Variants in CHRM2 observed in about 807,000 individuals in gnomAD.
CHRM2 encodes muscarinic acetylcholine receptor M2.
In CHRM2, 8 loss-of-function variants were observed where a neutral mutation model predicts 25.0. The observed-to-expected ratio is 0.32, with a 90% CI of 0.19 to 0.58. The LOEUF (loss-of-function observed/expected upper bound fraction) is 0.58. Among genes scored for constraint, CHRM2 ranks in the 20% least tolerant of loss-of-function variants. The pLI is 0.88. For missense variants in CHRM2, 440 were observed against 567.1 expected (o/e 0.78, Z 2.28); for synonymous variants, 202 against 205.7 (o/e 0.98, Z 0.15).
At chr7:136,980,390 C>A (rs1802404758) in intron 2 of CHRM2, among the ~76,000 whole-genome samples, 1 of 152,194 alleles carries the variant, frequency 6.6e-6, no homozygotes, top group African/African-American at 2.4e-5. Flanking sequence ...CATCTGCAAA[C>A]AAATATAATT....
At chr7:136,938,817 C>T (rs552048682) in intron 2 of CHRM2, among the ~76,000 whole-genome samples, 13 of 151,716 alleles carry the variant, frequency 8.6e-5, no homozygotes, top group African/African-American at 2.4e-5. Context: ...TCAGCCCACC[C>T]GCAGGGGAGT....
At chr7:136,995,293 C>G (rs1029405501) in intron 3 of CHRM2, among the ~76,000 whole-genome samples, 2 of 151,930 alleles carry the variant, frequency 1.3e-5, no homozygotes, top group African/African-American at 4.8e-5. Flanking sequence ...AAGATATACA[C>G]AAATATACAT....
chr7:136,934,937 T>C (rs1358810826), intron 2 of CHRM2, among the ~76,000 whole-genome samples: 1 of 151,834 alleles, frequency 6.6e-6, no homozygotes, highest in Non-Finnish European at 1.5e-5. Flanking sequence ...AAATAGTAAA[T>C]ATGCAAGACA....
chr7:136,978,040 G>GGT (rs1554429411), intron 2 of CHRM2, among the ~76,000 whole-genome samples: 1 of 151,562 alleles, frequency 6.6e-6, no homozygotes, highest in South Asian at 2.1e-4. Context: ...CTTAATATAA[G>GGT]AAATAGACAC....
chr7:136,974,584 T>C (rs184422873), intron 2 of CHRM2, among the ~76,000 whole-genome samples: 4 of 152,166 alleles, frequency 2.6e-5, no homozygotes, highest in African/African-American at 9.6e-5. Context: ...TGCATATACC[T>C]CATTACAATA....
chr7:136,969,815 G>A (rs1801646380), intron 2 of CHRM2, among the ~76,000 whole-genome samples: 1 of 152,070 alleles, frequency 6.6e-6, no homozygotes, highest in African/African-American at 2.4e-5. Flanking sequence ...TTTCCCACTG[G>A]CTATGGGATG....
intron 2 of CHRM2, among the ~76,000 whole-genome samples, chr7:136,936,123 A>G (rs568890910): frequency 0.013 from 1,989 of 152,208 alleles, 36 homozygotes; most frequent in African/African-American, 0.046. Context: ...TGGGTAGCGG[A>G]GATATTTTTC....
At chr7:136,965,681 T>G (rs1395325998) in intron 2 of CHRM2, among the ~76,000 whole-genome samples, 1 of 152,024 alleles carries the variant, frequency 6.6e-6, no homozygotes, top group East Asian at 1.9e-4. Flanking sequence ...GAAAACAGCT[T>G]CATCTGAGTT....
intron 2 of CHRM2, among the ~76,000 whole-genome samples, chr7:136,886,904 C>T (rs926472998): frequency 6.6e-6 from 1 of 152,036 alleles, no homozygotes; most frequent in African/African-American, 2.4e-5. Context: ...AATTCTATAG[C>T]CCATCATGCC....
chr7:136,979,266 GATA>G (rs1563103904), intron 2 of CHRM2, among the ~76,000 whole-genome samples: 23 of 152,176 alleles, frequency 1.5e-4, no homozygotes, highest in Admixed American at 1.5e-3. Flanking sequence ...AGTGTCTGTT[GATA>G]TCCTTTGCCC....
At chr7:136,919,877 C>A (rs1404774201) in intron 2 of CHRM2, among the ~76,000 whole-genome samples, 1 of 152,074 alleles carries the variant, frequency 6.6e-6, no homozygotes, top group Non-Finnish European at 1.5e-5. Context: ...ATACTTCAGT[C>A]AAAGTGGTCA....
chr7:137,007,496 T>C (rs1294223829), intron 3 of CHRM2, among the ~76,000 whole-genome samples: 1 of 152,044 alleles, frequency 6.6e-6, no homozygotes, highest in Non-Finnish European at 1.5e-5. Flanking sequence ...ACTGCTGTTG[T>C]AGTGAGATTC....
At chr7:137,002,154 T>G (rs1046310441) in intron 3 of CHRM2, among the ~76,000 whole-genome samples, 1 of 152,140 alleles carries the variant, frequency 6.6e-6, no homozygotes, top group Non-Finnish European at 1.5e-5. Context: ...TTTGTTTTGT[T>G]TTGTTTGTTT....
At chr7:136,991,513 C>T (rs1803229160) in intron 2 of CHRM2, among the ~76,000 whole-genome samples, 1 of 152,116 alleles carries the variant, frequency 6.6e-6, no homozygotes, top group African/African-American at 2.4e-5. Context: ...TTTGCCAATA[C>T]CAAACTGTTT....
At chr7:136,883,582 A>G (rs1205112978) in intron 2 of CHRM2, among the ~76,000 whole-genome samples, 3 of 152,278 alleles carry the variant, frequency 2.0e-5, no homozygotes, top group African/African-American at 7.2e-5. Flanking sequence ...GAATACTTCT[A>G]TGGAAGGTTC....
At chr7:136,909,307 G>A (rs1797717905) in intron 2 of CHRM2, among the ~76,000 whole-genome samples, 1 of 151,884 alleles carries the variant, frequency 6.6e-6, no homozygotes, top group Admixed American at 6.6e-5. Flanking sequence ...CACATACATG[G>A]CACATAGAGT....
intron 2 of CHRM2, chr7:136,902,788 C>G: frequency 4.2e-6 from 1 of 239,014 alleles, no homozygotes; most frequent in South Asian, 4.7e-5. Context: ...AGACATTAAA[C>G]TTTGAAATTC....
Position 137,009,771 on chromosome 7 carries a change from G to A in CHRM2, c.-46-5049G>A, listed in dbSNP as rs74719151. ...TAAACATCCTAACACTTCCAGGGTT[G>A]TTTTGGAGAGTAATTATGCTCAAGA... is the stretch of plus-strand genomic sequence containing the variant. On this transcript the variant is annotated intron_variant, in intron 3 of 3. Transcript: ENST00000680005. 2.7e-3 allele frequency among the ~76,000 whole-genome samples: 413 copies of A among 152,110 alleles called. 2 individuals are homozygous for A. The highest frequency in any genetic ancestry group is 9.3e-3 in the African/African-American group (387 of 41,522).
Position 136,956,639 on chromosome 7 carries a change from T to C in CHRM2, c.-124-35548T>C, listed in dbSNP as rs557031803. On this transcript the variant is annotated intron_variant, in intron 2 of 3. Transcript: ENST00000680005. ...GAAAATTACTGGTATACTTTTTTATTGTTAGAGCATTCAAATGTTATCCTT... is the reference window on the plus strand; with the variant it reads ...GAAAATTACTGGTATACTTTTTTATCGTTAGAGCATTCAAATGTTATCCTT... 1.1e-4 allele frequency among the ~76,000 whole-genome samples: 16 copies of C among 151,966 alleles called. 1 individual carries two copies. The South Asian group carries it at 3.3e-3, about 31-fold the overall frequency.
Sources: gnomAD v4.1 joint callset for allele counts (sites outside exome capture counted in the v4.1 genomes callset) on GRCh38, gnomAD v4.1.1 for gene constraint, MANE v1.5 for transcripts, NCBI Gene and HGNC (gene_info 2026-07-23, HGNC 2026-07-21) for gene names.